The following ADGB variants were observed in gnomAD, a reference collection of about 807,000 sequenced individuals.
ADGB encodes calpain-7-like protein.
Under a neutral mutation model 210.5 loss-of-function variants are expected in ADGB, and 172 were observed. The observed-to-expected ratio is 0.82, with a 90% CI of 0.72 to 0.93. The LOEUF is 0.93. ADGB is among the 40% of genes least tolerant of loss of function. The pLI is 0.00. For missense variants in ADGB, 2,025 were observed against 1,964.8 expected (o/e 1.03, Z -0.58); for synonymous variants, 658 against 662.7 (o/e 0.99, Z 0.11).
At chr6:146,632,918 G>A (rs1781084778) in intron 1 of ADGB, among the ~76,000 whole-genome samples, 1 of 152,026 alleles carries the variant, frequency 6.6e-6, no homozygotes, top group Non-Finnish European at 1.5e-5. Flanking sequence ...CCCTGGGTGT[G>A]CCCCTTCCTT....
At chr6:146,647,480 G>A (rs942321920) in intron 3 of ADGB, among the ~76,000 whole-genome samples, 1 of 152,006 alleles carries the variant, frequency 6.6e-6, no homozygotes. Flanking sequence ...TCAAGGTTAT[G>A]AGTATAGTAG....
At chr6:146,662,725 C>T (rs1482835123) in intron 5 of ADGB, among the ~76,000 whole-genome samples, 1 of 151,654 alleles carries the variant, frequency 6.6e-6, no homozygotes. Context: ...TGTTTTACAA[C>T]TCTGATTGCT....
chr6:146,747,440 T>G (rs763786219), intron 26 of ADGB, among the ~76,000 whole-genome samples: 25 of 152,168 alleles, frequency 1.6e-4, no homozygotes, highest in Non-Finnish European at 3.2e-4. Context: ...ATTAAAGTCA[T>G]CAAGCTGAGT....
At chr6:146,744,665 C>T (rs1437742606) in intron 25 of ADGB, among the ~76,000 whole-genome samples, 1 of 151,882 alleles carries the variant, frequency 6.6e-6, no homozygotes, top group African/African-American at 2.4e-5. Context: ...TTCATAAATA[C>T]TCAAGACCAT....
chr6:146,658,627 C>CA (rs1775816147), intron 5 of ADGB, among the ~76,000 whole-genome samples: 1 of 152,188 alleles, frequency 6.6e-6, no homozygotes, highest in Non-Finnish European at 1.5e-5. Flanking sequence ...TAGGAGTTAA[C>CA]ATTCATTAAC....
chr6:146,716,923 T>C lies in ADGB; in HGVS notation c.1782T>C (p.His594=). Residue 594 remains histidine, a synonymous_variant, in exon 15 of 36, where the codon CAT becomes CAC. Coordinates refer to ENST00000397944, the MANE Select transcript of ADGB (RefSeq NM_024694.4). ...EQTDFGLGDA[H]QSDGLNLERE... ...CAGACTTTGGATTGGGTGATGCTCA[T>C]CAGAGTGATGGATTAAACTTGGAAA... The C allele has an allele frequency of 6.4e-7, 1 of 1,551,344 alleles. No individual in the cohort carries two copies. Among genetic ancestry groups the C allele is most frequent in the South Asian group, 1.2e-5 (1 of 84,020 alleles).
At chr6:146,658,490 C>G (rs1463490186) in intron 5 of ADGB, among the ~76,000 whole-genome samples, 1 of 152,072 alleles carries the variant, frequency 6.6e-6, no homozygotes, top group East Asian at 1.9e-4. Context: ...TTTGTCTAAA[C>G]TTGAGGTGGG....
intron 35 of ADGB, chr6:146,803,855 C>T (rs1778170761): frequency 2.7e-6 from 1 of 370,976 alleles, no homozygotes; most frequent in Non-Finnish European, 4.9e-6. Context: ...GCGCGCGCGG[C>T]CTGCCGGGAT....
intron 29 of ADGB, among the ~76,000 whole-genome samples, chr6:146,769,904 A>G (rs942867055): frequency 1.3e-5 from 2 of 152,208 alleles, no homozygotes; most frequent in African/African-American, 2.4e-5. Context: ...GGGCTTTGTC[A>G]TCATTCAGAA....
intron 12 of ADGB, among the ~76,000 whole-genome samples, chr6:146,699,079 G>A (rs892949401): frequency 1.3e-5 from 2 of 152,268 alleles, no homozygotes; most frequent in East Asian, 1.9e-4. Context: ...CATTGTTTTA[G>A]TCAGGGTTCT....
chr6:146,638,591 C>G (rs1490889622), intron 2 of ADGB, among the ~76,000 whole-genome samples: 2 of 48,148 alleles, frequency 4.2e-5, no homozygotes, highest in African/African-American at 1.2e-4. Context: ...ACATCACACA[C>G]TGGGGCCTGT....
At chr6:146,778,164 T>C (rs1177900389) in intron 29 of ADGB, among the ~76,000 whole-genome samples, 4 of 152,202 alleles carry the variant, frequency 2.6e-5, no homozygotes, top group Admixed American at 6.5e-5. Context: ...TCTATTGGCA[T>C]TGAGAGCTCT....
intron 33 of ADGB, among the ~76,000 whole-genome samples, chr6:146,799,860 AGTGCAATG>A (rs914930506): frequency 6.6e-6 from 1 of 151,888 alleles, no homozygotes. Context: ...CCCAGGCTGG[AGTGCAATG>A]GTGCGATCTT....
chr6:146,707,610 G>A (rs971079955), intron 13 of ADGB, among the ~76,000 whole-genome samples: 2 of 151,950 alleles, frequency 1.3e-5, no homozygotes, highest in African/African-American at 4.8e-5. Flanking sequence ...CTTTTTTACC[G>A]TTTTTGACTT....
intron 5 of ADGB, among the ~76,000 whole-genome samples, chr6:146,659,517 T>C: frequency 6.6e-6 from 1 of 152,222 alleles, no homozygotes. Flanking sequence ...TTTACCTTTA[T>C]CACTTCTTTG....
In ADGB at chr6:146,602,120, T is replaced by C. The variant is rs1481804434; in HGVS notation, c.74+3006T>C. 2.0e-5 allele frequency among the ~76,000 whole-genome samples: 3 copies of C among 152,228 alleles called. No homozygotes were observed. The South Asian group carries it at 6.2e-4, about 32-fold the overall frequency. ...GATTAAACAATTTCTATTTTATCTA[T>C]TTCCTAGTTCTCTGTATCTGCCAGT... is the stretch of plus-strand genomic sequence containing the variant. On this transcript the variant is annotated intron_variant, in intron 1 of 35. Coordinates refer to ENST00000397944, the MANE Select transcript of ADGB (RefSeq NM_024694.4).
chr6:146,657,593 A>G (rs377000274), intron 5 of ADGB, among the ~76,000 whole-genome samples: 361 of 152,308 alleles, frequency 2.4e-3, no homozygotes, highest in Middle Eastern at 6.8e-3. Flanking sequence ...TGGTCCTGCC[A>G]CTGCCTCTGC....
At chr6:146,775,584 T>G (rs259414) in intron 29 of ADGB, among the ~76,000 whole-genome samples, 70,505 of 151,952 alleles carry the variant, frequency 0.46, 17,915 homozygotes, top group Admixed American at 0.59. Context: ...TACAGTTTTG[T>G]GTTGCTGGCC....
At chr6:146,648,176 T>C (rs1270537675) in intron 3 of ADGB, among the ~76,000 whole-genome samples, 1 of 152,134 alleles carries the variant, frequency 6.6e-6, no homozygotes, top group Non-Finnish European at 1.5e-5. Flanking sequence ...AAATATACTT[T>C]CATATTTATA....
Sources: gnomAD v4.1 joint callset for allele counts (sites outside exome capture counted in the v4.1 genomes callset) on GRCh38, gnomAD v4.1.1 for gene constraint, MANE v1.5 for transcripts, NCBI Gene and HGNC (gene_info 2026-07-23, HGNC 2026-07-21) for gene names.